TMEM163: variants seen among roughly 807,000 people sequenced by gnomAD.
TMEM163 encodes transmembrane protein 163.
Under a neutral mutation model 29.3 loss-of-function variants are expected in TMEM163, and 17 were observed. That is an observed-to-expected ratio of 0.58 (90% CI 0.40 to 0.87). TMEM163 has a LOEUF of 0.87. Ranked by LOEUF, TMEM163 falls within the 40% of genes least tolerant of loss-of-function variation. The pLI, the probability that TMEM163 is intolerant of heterozygous loss-of-function variation, is 0.00. For missense variants in TMEM163, 303 were observed against 381.5 expected, an observed-to-expected ratio of 0.79 and a Z score of 1.71; for synonymous variants, 157 against 160.6, an observed-to-expected ratio of 0.98 and a Z score of 0.17.
chr2:134,570,220 T>C (rs1681388277), intron 2 of TMEM163, among the ~76,000 whole-genome samples: 1 of 152,192 alleles, frequency 6.6e-6, no homozygotes, highest in Non-Finnish European at 1.5e-5. Flanking sequence ...ATCTTCTATC[T>C]GTGGAGTTGT....
chr2:134,460,037 C>T lies in TMEM163; in HGVS notation c.668-1864G>A, dbSNP rs954996076. ...GATTCTAGGAGCCCATCTTCCCTTA[C>T]ACCACCAACCTGCCCCTCGAGCCCC... On this transcript the variant is annotated intron_variant, in intron 6 of 7. Coordinates refer to ENST00000281924, the MANE Select transcript of TMEM163 (RefSeq NM_030923.5). The surrounding 1 kb of genome is among the most constrained non-coding windows in gnomAD (Gnocchi z 4.3). 2.0e-5 allele frequency among the ~76,000 whole-genome samples: 3 copies of T among 151,872 alleles called. No individual in the cohort carries two copies. Among genetic ancestry groups the T allele is most frequent in the African/African-American group, 4.8e-5 (2 of 41,284 alleles).
rs563029742 is a variant in TMEM163, at chr2:134,520,445, C to A, written c.459-17448G>T. Among the ~76,000 whole-genome samples, 5 of 152,314 alleles carry A rather than the reference C, an allele frequency of 3.3e-5. No homozygotes were observed. In the East Asian group the frequency reaches 9.7e-4, roughly 29 times the overall value. ...GCACCAGCAACCTAGCAGGGTATGACCTCAGGTAAGCTGTGTCACTTCTCT... is the reference window on the plus strand; with the variant it reads ...GCACCAGCAACCTAGCAGGGTATGAACTCAGGTAAGCTGTGTCACTTCTCT... On this transcript the variant is annotated intron_variant, in intron 4 of 7. Coordinates refer to ENST00000281924, the MANE Select transcript of TMEM163 (RefSeq NM_030923.5).
At chr2:134,499,155 C>T (rs1054928121) in intron 5 of TMEM163, among the ~76,000 whole-genome samples, 1 of 151,972 alleles carries the variant, frequency 6.6e-6, no homozygotes, top group African/African-American at 2.4e-5. Context: ...TAAAGATATA[C>T]CATTTTTACT....
intron 2 of TMEM163, among the ~76,000 whole-genome samples, chr2:134,673,760 A>G (rs1198216317): frequency 1.3e-5 from 2 of 152,186 alleles, no homozygotes; most frequent in East Asian, 3.9e-4. Flanking sequence ...GAAAGGCAAG[A>G]AAGCAGATTC....
At chr2:134,480,474 A>G (rs569457909) in intron 5 of TMEM163, among the ~76,000 whole-genome samples, 1 of 152,340 alleles carries the variant, frequency 6.6e-6, no homozygotes, top group South Asian at 2.1e-4. Context: ...AATTAATAAA[A>G]TTAAGCACTC....
At chr2:134,549,698 T>C (rs1253759165) in intron 4 of TMEM163, among the ~76,000 whole-genome samples, 1 of 152,146 alleles carries the variant, frequency 6.6e-6, no homozygotes, top group Non-Finnish European at 1.5e-5. Context: ...GGGCATTTAC[T>C]CATTTGTGTT....
At chr2:134,602,965 G>A (rs1682269083) in intron 2 of TMEM163, among the ~76,000 whole-genome samples, 1 of 151,996 alleles carries the variant, frequency 6.6e-6, no homozygotes, top group South Asian at 2.1e-4. Context: ...ACTCCCTATT[G>A]GACATATCTG....
Position 134,458,181 on chromosome 2 carries a change from G to A in TMEM163, c.668-8C>T, listed in dbSNP as rs1407881532. 11 of 1,614,014 alleles carry A rather than the reference G, an allele frequency of 6.8e-6. No homozygotes were observed. The highest frequency in any genetic ancestry group is 6.7e-5 in the Admixed American group (4 of 59,998). ...CCACGAGGGAGTTAAACCCTGCAAA[G>A]GAAGTGGAGAGAGGCTAGATGGCAG... is the stretch of plus-strand genomic sequence containing the variant. On this transcript the variant is annotated splice_region_variant and splice_polypyrimidine_tract_variant and intron_variant, in intron 6 of 7. Transcript: ENST00000281924.
chr2:134,536,340 A>G (rs1330356592), intron 4 of TMEM163, among the ~76,000 whole-genome samples: 1 of 152,190 alleles, frequency 6.6e-6, no homozygotes, highest in Non-Finnish European at 1.5e-5. Flanking sequence ...AGCTTGCTGG[A>G]AATCTGTGAG....
chr2:134,651,525 C>T (rs1166955392), intron 2 of TMEM163, among the ~76,000 whole-genome samples: 1 of 120,366 alleles, frequency 8.3e-6, no homozygotes, highest in Non-Finnish European at 1.6e-5. Context: ...GTTTCTTTTG[C>T]TGTGCAGAAG....
chr2:134,630,917 C>T (rs1682953824), intron 2 of TMEM163, among the ~76,000 whole-genome samples: 1 of 151,952 alleles, frequency 6.6e-6, no homozygotes, highest in African/African-American at 2.4e-5. Flanking sequence ...AAAACCACCA[C>T]AAACACACAC....
intron 4 of TMEM163, among the ~76,000 whole-genome samples, chr2:134,515,534 T>G (rs1023350843): frequency 6.6e-6 from 1 of 152,234 alleles, no homozygotes; most frequent in Admixed American, 6.5e-5. Flanking sequence ...CTTCTGGGAA[T>G]CAATCCCTGA....
intron 4 of TMEM163, among the ~76,000 whole-genome samples, chr2:134,520,150 G>A (rs1216131449): frequency 1.3e-5 from 2 of 152,104 alleles, no homozygotes; most frequent in Admixed American, 1.3e-4. Flanking sequence ...AAGACAACCT[G>A]TCATTGTGTG....
chr2:134,598,432 C>T (rs115236180), intron 2 of TMEM163, among the ~76,000 whole-genome samples: 2,395 of 152,242 alleles, frequency 0.016, 54 homozygotes, highest in African/African-American at 0.054. Flanking sequence ...TCACAGCCAT[C>T]GTGTGAGGTA....
At chr2:134,517,436 A>G (rs1680097423) in intron 4 of TMEM163, among the ~76,000 whole-genome samples, 1 of 152,218 alleles carries the variant, frequency 6.6e-6, no homozygotes, top group South Asian at 2.1e-4. Flanking sequence ...AAGCTAGTCA[A>G]CTGAGCTGGG....
chr2:134,555,066 C>T (rs1382054681), intron 2 of TMEM163, among the ~76,000 whole-genome samples: 3 of 152,166 alleles, frequency 2.0e-5, no homozygotes, highest in Admixed American at 1.3e-4. Flanking sequence ...TGGCCAACTC[C>T]CCAACTCTTG....
chr2:134,712,349 T>C lies in TMEM163; in HGVS notation c.322+851A>G, dbSNP rs1198774790. Among the ~76,000 whole-genome samples the C allele has an allele frequency of 2.0e-5, 3 of 152,172 alleles. No individual in the cohort carries two copies. The East Asian group carries it at 5.8e-4, about 29-fold the overall frequency. ...TCTTCTAGCAGACATGTGCTTTTTTTCTCCTAATCTGAGGGTTGTCACAGG... is the reference window on the plus strand; with the variant it reads ...TCTTCTAGCAGACATGTGCTTTTTTCCTCCTAATCTGAGGGTTGTCACAGG... On this transcript the variant is annotated intron_variant, in intron 2 of 7. Coordinates refer to ENST00000281924, the MANE Select transcript of TMEM163 (RefSeq NM_030923.5).
chr2:134,596,144 T>C (rs1186859657), intron 2 of TMEM163, among the ~76,000 whole-genome samples: 2 of 152,248 alleles, frequency 1.3e-5, no homozygotes, highest in Non-Finnish European at 2.9e-5. Flanking sequence ...ATTTTGGCTT[T>C]TGTTGCCATT....
intron 2 of TMEM163, among the ~76,000 whole-genome samples, chr2:134,689,871 G>A (rs983728674): frequency 4.6e-5 from 7 of 152,230 alleles, no homozygotes; most frequent in Admixed American, 3.3e-4. Context: ...TCCAAAGAAC[G>A]GCATGCAGAG....
Sources: gnomAD v4.1 joint callset for allele counts (sites outside exome capture counted in the v4.1 genomes callset) on GRCh38, gnomAD v4.1.1 for gene constraint, Gnocchi (gnomAD v3.1) non-coding constraint, MANE v1.5 for transcripts, NCBI Gene and HGNC (gene_info 2026-07-23, HGNC 2026-07-21) for gene names.